RGS9: variants seen among roughly 807,000 people sequenced by gnomAD.
RGS9 encodes regulator of G-protein signalling 9.
RGS9 carries 78 observed loss-of-function variants against 102.0 expected under a neutral mutation model. The ratio of observed to expected loss-of-function variants is 0.76; its 90% CI spans 0.64 to 0.92. The LOEUF is 0.92. RGS9 is among the 40% of genes least tolerant of loss of function. The pLI is 0.00. For synonymous variants in RGS9, 353 were observed against 318.6 expected, an observed-to-expected ratio of 1.11 and a Z score of -1.15; for missense variants, 833 against 866.1, an observed-to-expected ratio of 0.96 and a Z score of 0.48.
intron 17 of RGS9, among the ~76,000 whole-genome samples, chr17:65,215,322 G>A (rs1913450078): frequency 6.6e-6 from 1 of 152,124 alleles, no homozygotes; most frequent in Non-Finnish European, 1.5e-5. Flanking sequence ...CCTAAGACAA[G>A]GGTGATGTTA....
intron 1 of RGS9, among the ~76,000 whole-genome samples, chr17:65,144,178 C>T (rs558492244): frequency 1.3e-5 from 2 of 152,248 alleles, no homozygotes; most frequent in East Asian, 1.9e-4. Context: ...GGAGTACATC[C>T]TCCTCTGTTA....
chr17:65,144,623 G>A (rs1452359921), intron 1 of RGS9, among the ~76,000 whole-genome samples: 1 of 152,218 alleles, frequency 6.6e-6, no homozygotes, highest in Non-Finnish European at 1.5e-5. Context: ...GTTTGGGAGT[G>A]AGAGTGTTGG....
At chr17:65,151,343 C>CAA (rs770022633) in intron 1 of RGS9, among the ~76,000 whole-genome samples, 8 of 95,970 alleles carry the variant, frequency 8.3e-5, no homozygotes, top group African/African-American at 1.4e-4. Context: ...AGACCTGTCC[C>CAA]AAAAAAAAAA....
chr17:65,150,483 G>A (rs1197134953), intron 1 of RGS9, among the ~76,000 whole-genome samples: 3 of 152,174 alleles, frequency 2.0e-5, no homozygotes, highest in Non-Finnish European at 2.9e-5. Flanking sequence ...TTAGCTGGGC[G>A]TGGTGGCGGG....
At chr17:65,215,514 T>TTCTA in intron 17 of RGS9, among the ~76,000 whole-genome samples, 1 of 137,482 alleles carries the variant, frequency 7.3e-6, no homozygotes, top group African/African-American at 3.2e-5. Context: ...CTTTCTTTCT[T>TTCTA]TCTTTCTTTC....
intron 3 of RGS9, 30 bp downstream of exon 3, chr17:65,158,375 G>A (rs371632438): frequency 3.3e-5 from 53 of 1,606,514 alleles, no homozygotes; most frequent in Middle Eastern, 1.6e-4. Flanking sequence ...TCAGTTATCC[G>A]GGACAGCTTT....
chr17:65,159,236 T>G (rs186917930), intron 3 of RGS9, among the ~76,000 whole-genome samples: 35 of 148,734 alleles, frequency 2.4e-4, no homozygotes, highest in Admixed American at 2.3e-3. Flanking sequence ...CACCCCTATC[T>G]CCCTTCGCTG....
chr17:65,156,628 G>A (rs1350903929), intron 2 of RGS9, among the ~76,000 whole-genome samples: 3 of 152,222 alleles, frequency 2.0e-5, no homozygotes, highest in South Asian at 2.1e-4. Flanking sequence ...AACGTAGACC[G>A]CGTGGTACAG....
At chr17:65,157,576 G>GT (rs996652358) in intron 2 of RGS9, among the ~76,000 whole-genome samples, 3 of 152,016 alleles carry the variant, frequency 2.0e-5, no homozygotes, top group African/African-American at 4.8e-5. Context: ...ATTTTTTCAT[G>GT]TTTTTTTGTG....
chr17:65,168,601 G>A (rs1185102209), intron 8 of RGS9, among the ~76,000 whole-genome samples: 2 of 139,352 alleles, frequency 1.4e-5, no homozygotes, highest in Non-Finnish European at 3.0e-5. Flanking sequence ...AGGAATATAA[G>A]GAGAAAAAAT....
intron 9 of RGS9, among the ~76,000 whole-genome samples, chr17:65,181,878 G>A (rs780981070): frequency 2.0e-5 from 3 of 152,202 alleles, no homozygotes; most frequent in Non-Finnish European, 2.9e-5. Flanking sequence ...TAATCAACAC[G>A]TAGAGACACT....
intron 9 of RGS9, among the ~76,000 whole-genome samples, chr17:65,187,460 G>A (rs181990137): frequency 2.6e-5 from 4 of 152,312 alleles, no homozygotes; most frequent in African/African-American, 7.2e-5. Flanking sequence ...CTTGTGAAAA[G>A]CAATGATAGA....
At chr17:65,185,888 C>A (rs1912094385) in intron 9 of RGS9, among the ~76,000 whole-genome samples, 1 of 152,234 alleles carries the variant, frequency 6.6e-6, no homozygotes, top group Admixed American at 6.5e-5. Context: ...CCTGCAAATA[C>A]AGCTCCCTGC....
At chr17:65,168,771 A>G (rs1158166113) in intron 8 of RGS9, among the ~76,000 whole-genome samples, 1 of 152,040 alleles carries the variant, frequency 6.6e-6, no homozygotes, top group Admixed American at 6.6e-5. Context: ...GAGAAGGAAT[A>G]CGTCTGTGTT....
chr17:65,189,451 G>A (rs1350363294), intron 10 of RGS9, 136 bp downstream of exon 10: 14 of 746,740 alleles, frequency 1.9e-5, no homozygotes, highest in Non-Finnish European at 3.1e-5. Context: ...CCAAATTCAC[G>A]GACAGCACAG....
At chr17:65,180,466 G>T (rs1911835547) in intron 9 of RGS9, among the ~76,000 whole-genome samples, 1 of 151,978 alleles carries the variant, frequency 6.6e-6, no homozygotes, top group Non-Finnish European at 1.5e-5. Flanking sequence ...CCTTGCCTCA[G>T]CCTCCAGAGT....
intron 7 of RGS9, 87 bp from the exon 8 acceptor site, chr17:65,168,113 G>C (rs1157651727): frequency 1.2e-6 from 1 of 826,592 alleles, no homozygotes; most frequent in Non-Finnish European, 2.0e-6. Flanking sequence ...GGTTGGGAGA[G>C]GGGTCTAGGT....
chr17:65,203,308 G>A (rs1162827507), intron 14 of RGS9, among the ~76,000 whole-genome samples: 4 of 152,086 alleles, frequency 2.6e-5, no homozygotes, highest in East Asian at 1.9e-4. Context: ...GAGGGCTGTC[G>A]GTCCGGGAAG....
At chr17:65,168,409 C>T in intron 8 of RGS9, 128 bp downstream of exon 8, 2 of 723,432 alleles carry the variant, frequency 2.8e-6, no homozygotes, top group Non-Finnish European at 5.0e-6. Context: ...AGGAGCTGCT[C>T]AGTGTTGGGT....
Sources: allele counts gnomAD v4.1 joint callset (sites outside exome capture counted in the v4.1 genomes callset), GRCh38; gene constraint gnomAD v4.1.1; transcripts MANE v1.5; gene names NCBI Gene and HGNC (gene_info 2026-07-23, HGNC 2026-07-21).